The following HYDIN variants were observed in gnomAD, a reference collection of about 807,000 sequenced individuals.
HYDIN encodes the protein HYDIN axonemal central pair apparatus protein.
In HYDIN, 132 loss-of-function variants were observed where a neutral mutation model predicts 403.9. That is an observed-to-expected ratio of 0.33 (90% CI 0.28 to 0.38). HYDIN has a LOEUF of 0.38. Ranked by LOEUF, HYDIN falls within the 10% of genes least tolerant of loss-of-function variation. The probability of loss-of-function intolerance (pLI) is 1.00; values close to 1 mark genes in which losing one functional copy is unlikely to be tolerated. For synonymous variants in HYDIN, 1,202 were observed against 1,891.7 expected, an observed-to-expected ratio of 0.64 and a Z score of 9.46; for missense variants, 2,827 against 5,009.5, an observed-to-expected ratio of 0.56 and a Z score of 13.15.
chr16:71,228,527 C>T (rs2041139726), intron 1 of HYDIN, among the ~76,000 whole-genome samples: 3 of 152,168 alleles, frequency 2.0e-5, no homozygotes, highest in African/African-American at 7.2e-5. Flanking sequence ...CAAAAGAAGA[C>T]ATTTATGCAG....
chr16:70,868,627 T>C lies in HYDIN; in HGVS notation c.11253A>G (p.Thr3751=), dbSNP rs145627676. The C allele has an allele frequency of 3.0e-3, 4,763 of 1,613,940 alleles. 115 individuals are homozygous for C. In the African/African-American group the frequency reaches 0.056, roughly 19 times the overall value. The change falls in exon 66 of 86, where the codon ACA becomes ACG. Residue 3751 remains threonine, a synonymous_variant. Coordinates refer to ENST00000393567, the MANE Select transcript of HYDIN (RefSeq NM_001270974.2). Reference sequence around the variant, plus strand: ...TTCTGGGTACGTCCACCCACTTGACTGTGTGCATGCGGTCATCCCAGTCGG... The same window carrying C: ...TTCTGGGTACGTCCACCCACTTGACCGTGTGCATGCGGTCATCCCAGTCGG... The part of the protein sequence containing the change: ...QVPDWDDRMH[T]VKWVDVPRNM...
At chr16:71,084,156 T>C (rs1298653482) in intron 12 of HYDIN, among the ~76,000 whole-genome samples, 1 of 146,604 alleles carries the variant, frequency 6.8e-6, no homozygotes, top group Non-Finnish European at 1.5e-5. Flanking sequence ...TGAGTTATAA[T>C]TGTCCAATAA....
intron 8 of HYDIN, among the ~76,000 whole-genome samples, chr16:71,135,574 T>C (rs1292840168): frequency 6.8e-6 from 1 of 147,710 alleles, no homozygotes; most frequent in Non-Finnish European, 1.5e-5. Context: ...ACAAGAATGA[T>C]ACTGAAACAC....
intron 29 of HYDIN, 124 bp from the exon 30 acceptor site, chr16:70,979,165 G>A (rs1567941606): frequency 4.3e-6 from 5 of 1,170,070 alleles, no homozygotes; most frequent in Non-Finnish European, 4.8e-6. Context: ...GTGGACTTTT[G>A]GATACTTTGT....
chr16:71,199,316 C>G (rs2087866371), intron 1 of HYDIN, among the ~76,000 whole-genome samples: 5 of 152,222 alleles, frequency 3.3e-5, no homozygotes, highest in African/African-American at 9.6e-5. Flanking sequence ...CATGGGCCTA[C>G]TTCCAGTTTA....
At chr16:71,010,386 C>T (rs565796775) in intron 23 of HYDIN, among the ~76,000 whole-genome samples, 4 of 152,170 alleles carry the variant, frequency 2.6e-5, no homozygotes, top group African/African-American at 7.2e-5. Context: ...TACCTGCGGC[C>T]CTTGGACCCT....
At chr16:70,918,071 C>G (rs2076894103) in intron 47 of HYDIN, 140 bp downstream of exon 47, 1 of 458,704 alleles carries the variant, frequency 2.2e-6, no homozygotes, top group Non-Finnish European at 4.1e-6. Flanking sequence ...AGGTAGGATC[C>G]CCAACGAGTC....
In HYDIN at chr16:70,837,719, C is replaced by T. The variant is rs745878211; in HGVS notation, c.13213G>A (p.Glu4405Lys). ...EINGLSQQTV[E>K]IKGKGTKMKI... is the part of the protein sequence containing the mutation. The stretch of plus-strand genomic sequence containing the variant: ...ATTTTGGTACCCTTCCCTTTGATTT[C>T]GACTGTTTGTTGTGAGAGCCCATTG... Residue 4405 changes from glutamate (E) to lysine (K), a missense_variant, in exon 77 of 86, where the codon GAA becomes AAA. Coordinates refer to ENST00000393567, the MANE Select transcript of HYDIN (RefSeq NM_001270974.2). The T allele has an allele frequency of 1.8e-5, 29 of 1,613,678 alleles. No homozygotes were observed. Among genetic ancestry groups the T allele is most frequent in the Middle Eastern group, 3.3e-4 (2 of 6,078 alleles).
intron 12 of HYDIN, 133 bp from the exon 13 acceptor site, chr16:71,080,085 A>T (rs1490898242): frequency 1.7e-6 from 1 of 593,564 alleles, no homozygotes; most frequent in Admixed American, 2.9e-5. Context: ...CAGGATTTAG[A>T]GAAATGATGA....
rs1597246308 is a variant in HYDIN, at chr16:70,894,323, C to T, written c.9248+126G>A. The T allele has an allele frequency of 1.2e-5, 16 of 1,322,772 alleles. 1 individual carries two copies. The South Asian group carries it at 1.3e-4, about 11-fold the overall frequency. The allele number at this position is 1,322,772 out of a possible 1,614,324, so 81.9% of individuals were successfully genotyped here. A position where few individuals can be genotyped will look rare whatever the true frequency, so the allele number is the denominator to read the frequency against. The stretch of plus-strand genomic sequence containing the variant: ...TGATAAGTTTCCCAGACACGCTATT[C>T]CCCACGGTGGACTTGACGGCCGCAA... On this transcript the variant is annotated intron_variant, in intron 55 of 85. Coordinates refer to ENST00000393567, the MANE Select transcript of HYDIN (RefSeq NM_001270974.2).
At chr16:70,972,767 A>G (rs909479730) in intron 35 of HYDIN, among the ~76,000 whole-genome samples, 4 of 152,248 alleles carry the variant, frequency 2.6e-5, no homozygotes, top group African/African-American at 2.4e-5. Flanking sequence ...CATATACCCT[A>G]TGTTACCTAA....
chr16:70,909,608 TA>T (rs2076633339), intron 47 of HYDIN, among the ~76,000 whole-genome samples: 2 of 145,834 alleles, frequency 1.4e-5, no homozygotes, highest in Admixed American at 6.8e-5. Flanking sequence ...TCATCACACC[TA>T]AGAAAATGAA....
rs749067771 is a variant in HYDIN, at chr16:70,908,682, G to A, written c.8184C>T (p.Asn2728=). Residue 2728 remains asparagine (N), a synonymous_variant, in exon 48 of 86, where the codon AAC becomes AAT. Transcript: ENST00000393567. ...TGAATTTCTCCTGGGAGTGCTGCCC[G>A]TTGAAGTTGTCCAGGTCTGTATCTG... ...QLSDTDLDNF[N]GQHSQEKFTR... 2.2e-5 allele frequency: 35 copies of A among 1,603,396 alleles called. No homozygotes were observed. Among genetic ancestry groups the A allele is most frequent in the Middle Eastern group, 1.7e-4 (1 of 6,052 alleles).
chr16:70,984,603 C>T (rs2079134429), intron 28 of HYDIN, among the ~76,000 whole-genome samples: 1 of 150,348 alleles, frequency 6.7e-6, no homozygotes, highest in African/African-American at 2.5e-5. Flanking sequence ...GAAGAACAGA[C>T]TTTATCATTA....
intron 1 of HYDIN, among the ~76,000 whole-genome samples, chr16:71,194,038 G>A (rs188259143): frequency 3.3e-5 from 5 of 152,254 alleles, no homozygotes; most frequent in African/African-American, 7.2e-5. Context: ...TTACACATGC[G>A]TTACAGTAGC....
chr16:71,133,321 T>C (rs961381237), intron 8 of HYDIN: 3 of 455,938 alleles, frequency 6.6e-6, no homozygotes, highest in African/African-American at 4.0e-5. Context: ...TCTAAACAGT[T>C]AGCAACTCTG....
At chr16:71,163,116 TTTC>T (rs1364656356) in intron 5 of HYDIN, among the ~76,000 whole-genome samples, 9 of 138,598 alleles carry the variant, frequency 6.5e-5, no homozygotes, top group Non-Finnish European at 1.3e-4. Flanking sequence ...TAGAATGATG[TTTC>T]TTTTTTTTTT....
intron 23 of HYDIN, among the ~76,000 whole-genome samples, chr16:70,996,258 A>G (rs1241843362): frequency 1.3e-5 from 2 of 152,224 alleles, no homozygotes; most frequent in Admixed American, 6.5e-5. Context: ...AAGTCACCTC[A>G]AGAACCACAC....
chr16:71,177,955 C>CATAG (rs2086737244), intron 4 of HYDIN, among the ~76,000 whole-genome samples: 2 of 152,166 alleles, frequency 1.3e-5, no homozygotes, highest in African/African-American at 4.8e-5. Context: ...AGAGACAAGA[C>CATAG]ATAGACAGTG....
Sources: gnomAD v4.1 joint callset for allele counts (sites outside exome capture counted in the v4.1 genomes callset) on GRCh38, gnomAD v4.1.1 for gene constraint, MANE v1.5 for transcripts, NCBI Gene and HGNC (gene_info 2026-07-23, HGNC 2026-07-21) for gene names.